The following TANC1 variants were observed in gnomAD, a reference collection of about 807,000 sequenced individuals.
The protein encoded by TANC1 is tetratricopeptide repeat, ankyrin repeat and coiled-coil containing 1.
TANC1 carries 77 observed loss-of-function variants against 149.7 expected under a neutral mutation model. That is an observed-to-expected ratio of 0.51 (90% CI 0.43 to 0.62). The LOEUF (loss-of-function observed/expected upper bound fraction) is 0.62. Among genes scored for constraint, TANC1 ranks in the 20% least tolerant of loss-of-function variants. The probability of loss-of-function intolerance (pLI) is 0.00; values close to 1 mark genes in which losing one functional copy is unlikely to be tolerated. For missense variants in TANC1, 1,985 were observed against 2,321.8 expected, an observed-to-expected ratio of 0.85 and a Z score of 2.98; for synonymous variants, 854 against 925.0, an observed-to-expected ratio of 0.92 and a Z score of 1.39.
At chr2:159,183,051 G>A (rs192732219) in intron 14 of TANC1, among the ~76,000 whole-genome samples, 174 of 152,354 alleles carry the variant, frequency 1.1e-3, no homozygotes, top group African/African-American at 3.9e-3. Flanking sequence ...AGAGCTGGCA[G>A]AAGGGAGTGT....
Position 159,178,774 on chromosome 2 carries a change from C to T in TANC1, c.2121C>T (p.Leu707=). The change falls in exon 14 of 27, where the codon CTC becomes CTT. Residue 707 remains leucine, a synonymous_variant. Coordinates refer to ENST00000263635, the MANE Select transcript of TANC1 (RefSeq NM_033394.3). The part of the protein sequence containing the change: ...VLRSLGSYLY[L]KLTLDLFQRG... The stretch of plus-strand genomic sequence containing the variant: ...GGAGCCTCGGCTCCTACCTGTACCT[C>T]AAGCTCACCCTGGACCTTTTCCAGA... The T allele has an allele frequency of 6.2e-6, 10 of 1,614,206 alleles. No individual in the cohort carries two copies. The highest frequency in any genetic ancestry group is 1.1e-5 in the South Asian group (1 of 91,080).
intron 14 of TANC1, among the ~76,000 whole-genome samples, chr2:159,184,830 T>A (rs1223673202): frequency 6.6e-6 from 1 of 152,180 alleles, no homozygotes; most frequent in South Asian, 2.1e-4. Flanking sequence ...AGTGTGGCCT[T>A]AAACGTCATG....
In TANC1 at chr2:159,079,829, A is replaced by G. The variant is rs369623397; in HGVS notation, c.61+13858A>G. The stretch of plus-strand genomic sequence containing the variant: ...CTCACACCTACCCACCCCCAAGTGC[A>G]TGTCTTCATCATGTAAAAAGTAAGT... On this transcript the variant is annotated intron_variant, in intron 3 of 26. Transcript: ENST00000263635. Among the ~76,000 whole-genome samples the G allele has an allele frequency of 1.1e-3, 160 of 152,318 alleles. 1 individual carries two copies. Among genetic ancestry groups the G allele is most frequent in the African/African-American group, 3.8e-3 (156 of 41,570 alleles).
intron 3 of TANC1, among the ~76,000 whole-genome samples, chr2:159,082,573 A>G (rs574278587): frequency 6.6e-6 from 1 of 152,292 alleles, no homozygotes; most frequent in Admixed American, 6.5e-5. Context: ...TGTGGCAAAC[A>G]TGACCCTCGC....
chr2:159,036,764 G>A (rs1047159725), intron 2 of TANC1, among the ~76,000 whole-genome samples: 2 of 152,142 alleles, frequency 1.3e-5, no homozygotes, highest in Non-Finnish European at 2.9e-5. Context: ...TATCATTGAT[G>A]GACATTTGGG....
At chr2:159,000,874 C>G (rs1467047431) in intron 1 of TANC1, among the ~76,000 whole-genome samples, 1 of 152,164 alleles carries the variant, frequency 6.6e-6, no homozygotes, top group Non-Finnish European at 1.5e-5. Context: ...CATCTGCCAT[C>G]ACTGACCCTG....
At chr2:159,199,352 G>T (rs2150741704) in intron 19 of TANC1, among the ~76,000 whole-genome samples, 1 of 152,294 alleles carries the variant, frequency 6.6e-6, no homozygotes, top group Admixed American at 6.5e-5. Flanking sequence ...TTTCTGATTT[G>T]CCAAATCTCA....
chr2:158,986,088 A>G (rs2034973440), intron 1 of TANC1, among the ~76,000 whole-genome samples: 2 of 152,248 alleles, frequency 1.3e-5, no homozygotes, highest in South Asian at 4.1e-4. Context: ...GTGACGTGGA[A>G]CTTTTGCATG....
At chr2:158,975,929 G>A (rs1261693214) in intron 1 of TANC1, among the ~76,000 whole-genome samples, 3 of 151,058 alleles carry the variant, frequency 2.0e-5, no homozygotes, top group African/African-American at 7.3e-5. Context: ...TGCCTCCTGG[G>A]CTCAAGTGAT....
At chr2:159,116,231 C>T (rs890353838) in intron 4 of TANC1, among the ~76,000 whole-genome samples, 6 of 151,988 alleles carry the variant, frequency 3.9e-5, no homozygotes, top group African/African-American at 1.5e-4. Flanking sequence ...TTGAGAACAG[C>T]CTGACCAACA....
At chr2:158,981,544 A>C (rs752564361) in intron 1 of TANC1, among the ~76,000 whole-genome samples, 2 of 84,696 alleles carry the variant, frequency 2.4e-5, no homozygotes, top group Non-Finnish European at 5.2e-5. Context: ...TATATATATA[A>C]AGAAGTAACA....
chr2:159,163,206 G>A, intron 7 of TANC1, 77 bp from the exon 8 acceptor site: 1 of 1,414,686 alleles, frequency 7.1e-7, no homozygotes, highest in Non-Finnish European at 9.7e-7. Context: ...ATCCTGGGGA[G>A]GGCAGTGTGC....
intron 3 of TANC1, among the ~76,000 whole-genome samples, chr2:159,091,688 A>T (rs577867500): frequency 6.6e-6 from 1 of 152,302 alleles, no homozygotes; most frequent in African/African-American, 2.4e-5. Context: ...GAAGACAAGG[A>T]TATGCTGTCC....
intron 2 of TANC1, among the ~76,000 whole-genome samples, chr2:159,016,363 G>A (rs1447088289): frequency 2.6e-5 from 4 of 152,106 alleles, no homozygotes; most frequent in South Asian, 2.1e-4. Flanking sequence ...CCCACAACAC[G>A]TGGGAATTAT....
chr2:159,154,537 G>A (rs1338315351), intron 7 of TANC1, among the ~76,000 whole-genome samples: 2 of 152,144 alleles, frequency 1.3e-5, no homozygotes, highest in African/African-American at 4.8e-5. Flanking sequence ...CCTCTCTGGA[G>A]GCCAGGGCTT....
intron 3 of TANC1, among the ~76,000 whole-genome samples, chr2:159,096,833 G>A (rs2046196584): frequency 6.6e-6 from 1 of 152,136 alleles, no homozygotes; most frequent in Non-Finnish European, 1.5e-5. Flanking sequence ...GAAAGTTGTT[G>A]ACTGAAACTA....
chr2:159,207,181 A>G (rs112520085), intron 19 of TANC1, among the ~76,000 whole-genome samples: 3 of 152,244 alleles, frequency 2.0e-5, no homozygotes, highest in African/African-American at 7.2e-5. Flanking sequence ...GCCATGGCAT[A>G]CTAAATTGAG....
At chr2:159,126,615 C>A (rs1032725445) in intron 4 of TANC1, among the ~76,000 whole-genome samples, 5 of 152,382 alleles carry the variant, frequency 3.3e-5, no homozygotes, top group Non-Finnish European at 7.3e-5. Flanking sequence ...AGCTAGCAGA[C>A]TGGCTTGCAG....
intron 13 of TANC1, 112 bp downstream of exon 13, chr2:159,176,630 T>C (rs2055885135): frequency 1.1e-6 from 1 of 880,936 alleles, no homozygotes; most frequent in Non-Finnish European, 1.7e-6. Context: ...TTGGAAACTA[T>C]GTTAAGAATT....
Sources: allele counts gnomAD v4.1 joint callset (sites outside exome capture counted in the v4.1 genomes callset), GRCh38; gene constraint gnomAD v4.1.1; transcripts MANE v1.5; gene names NCBI Gene and HGNC (gene_info 2026-07-23, HGNC 2026-07-21).